Variants in PHF20L1 observed in about 807,000 individuals in gnomAD.
PHF20L1 encodes PHD finger protein 20 like 1.
A neutral mutation model predicts 125.5 loss-of-function variants in PHF20L1; 44 were observed. The ratio of observed to expected loss-of-function variants is 0.35; its 90% CI spans 0.28 to 0.45. The LOEUF is 0.45. Among genes scored for constraint, PHF20L1 ranks in the 20% least tolerant of loss-of-function variants. The probability of loss-of-function intolerance (pLI) is 1.00; values close to 1 mark genes in which losing one functional copy is unlikely to be tolerated. For missense variants in PHF20L1, 1,012 were observed against 1,217.2 expected, an observed-to-expected ratio of 0.83 and a Z score of 2.51; for synonymous variants, 380 against 403.1, an observed-to-expected ratio of 0.94 and a Z score of 0.69.
intron 4 of PHF20L1, among the ~76,000 whole-genome samples, chr8:132,796,212 G>A (rs1352845424): frequency 6.6e-6 from 1 of 152,052 alleles, no homozygotes; most frequent in Non-Finnish European, 1.5e-5. Context: ...GGCATGCCAT[G>A]TCATTTTAAG....
intron 8 of PHF20L1, chr8:132,809,902 G>A (rs1834175607): frequency 6.6e-6 from 1 of 152,056 alleles, no homozygotes; most frequent in African/African-American, 2.4e-5. Flanking sequence ...CTTAAACAAG[G>A]CTTATAAACT....
chr8:132,812,203 A>G (rs1834474276), intron 9 of PHF20L1: 1 of 977,138 alleles, frequency 1.0e-6, no homozygotes, highest in Non-Finnish European at 1.2e-6. Context: ...ACTGTGTATT[A>G]CTATATTCAA....
At chr8:132,821,481 AT>A (rs1563830268) in intron 12 of PHF20L1, among the ~76,000 whole-genome samples, 1 of 151,810 alleles carries the variant, frequency 6.6e-6, no homozygotes, top group Non-Finnish European at 1.5e-5. Context: ...TCAACTTTAC[AT>A]TTACTATTTA....
chr8:132,828,719 T>A (rs1427056881), intron 14 of PHF20L1, among the ~76,000 whole-genome samples: 3 of 152,124 alleles, frequency 2.0e-5, no homozygotes, highest in Non-Finnish European at 1.5e-5. Context: ...TTTAAGAGTG[T>A]CATCTTTGCC....
rs750744062 is a variant in PHF20L1 at position 132,842,642 on chromosome 8, G to A, written c.2515G>A (p.Val839Ile). 3.7e-6 allele frequency: 6 copies of A among 1,613,030 alleles called. No individual in the cohort carries two copies. Among genetic ancestry groups the A allele is most frequent in the Non-Finnish European group, 4.2e-6 (5 of 1,179,480 alleles). Residue 839 changes from valine to isoleucine, a missense_variant, in exon 19 of 21, where the codon GTA (valine) becomes ATA (isoleucine). Coordinates refer to ENST00000395386, the MANE Select transcript of PHF20L1 (RefSeq NM_016018.5). ...AGTTAATCGAGAAGAAAAGAAATAT[G>A]TACAGAACCATAAAGAACCACCTCG... Reference protein sequence around the residue: ...DTVNREEKKYVQNHKEPPRLP... With the variant: ...DTVNREEKKYIQNHKEPPRLP...
intron 14 of PHF20L1, among the ~76,000 whole-genome samples, chr8:132,828,116 T>G (rs1398996054): frequency 6.6e-6 from 1 of 152,104 alleles, no homozygotes; most frequent in Non-Finnish European, 1.5e-5. Flanking sequence ...ATTATTACTG[T>G]ATGAGGCTTC....
At position 132,799,170 on chromosome 8, in the gene PHF20L1, G is replaced by A. The variant is rs778675513; in HGVS notation, c.505G>A (p.Glu169Lys). The A allele has an allele frequency of 1.3e-6, 2 of 1,596,092 alleles. No homozygotes were observed. Among genetic ancestry groups the A allele is most frequent in the East Asian group, 2.2e-5 (1 of 44,658 alleles). The change falls in exon 6 of 21, where the codon GAG becomes AAG. Residue 169 changes from glutamate (E) to lysine (K), a missense_variant and splice_region_variant. Glu to Lys is a moderately conservative substitution (Grantham distance 56). This residue lies in a region of PHF20L1 where 134 missense variants were observed against 145.9 expected (regional missense o/e 0.92). Transcript: ENST00000395386. ...ATCGTGTAACCAGTCTATGGGAAGT[G>A]AGGTAAGAGCCTTTTTTTTAAAAAT... ...AGSCNQSMGS[E>K]DWIALVKAAA... is the part of the protein sequence containing the mutation.
intron 12 of PHF20L1, 108 bp from the exon 13 acceptor site, chr8:132,823,896 A>G (rs1835868586): frequency 1.6e-6 from 1 of 610,944 alleles, no homozygotes; most frequent in Admixed American, 3.2e-5. Context: ...GACCGTTAGG[A>G]GAAAAAGAGT....
chr8:132,808,379 T>C (rs1419518390), intron 8 of PHF20L1: 1 of 152,132 alleles, frequency 6.6e-6, no homozygotes, highest in Non-Finnish European at 1.5e-5. Context: ...TTTTGTTTCT[T>C]TTACTACTTG....
intron 2 of PHF20L1, among the ~76,000 whole-genome samples, chr8:132,781,803 A>G (rs185398077): frequency 6.6e-6 from 1 of 152,172 alleles, no homozygotes; most frequent in African/African-American, 2.4e-5. Flanking sequence ...TGGTTTATTT[A>G]TCAGTACTAA....
chr8:132,820,203 G>T (rs555367490), intron 12 of PHF20L1, among the ~76,000 whole-genome samples: 2 of 151,724 alleles, frequency 1.3e-5, no homozygotes, highest in Admixed American at 1.3e-4. Context: ...TTACTATCAG[G>T]ATGCTTTGTC....
chr8:132,796,203 G>A (rs1832368584), intron 4 of PHF20L1, among the ~76,000 whole-genome samples: 1 of 152,000 alleles, frequency 6.6e-6, no homozygotes, highest in South Asian at 2.1e-4. Flanking sequence ...AGTGGGAGAG[G>A]CATGCCATGT....
intron 2 of PHF20L1, among the ~76,000 whole-genome samples, chr8:132,792,944 T>A (rs1379050603): frequency 6.6e-6 from 1 of 150,708 alleles, no homozygotes; most frequent in Non-Finnish European, 1.5e-5. Context: ...CCCTAGCTTA[T>A]TTGAGAAGAC....
rs1232005487 is a variant in PHF20L1, at chr8:132,814,694, G to A, written c.988G>A (p.Ala330Thr). 2 of 1,611,890 alleles carry A rather than the reference G, an allele frequency of 1.2e-6. No homozygotes were observed. The highest frequency in any genetic ancestry group is 1.7e-5 in the Admixed American group (1 of 59,880). Residue 330 changes from alanine (A) to threonine (T), a missense_variant, in exon 10 of 21, where the codon GCC becomes ACC. Transcript: ENST00000395386. ...KKNEADISSS[A>T]NTQKPALLSS... The stretch of plus-strand genomic sequence containing the variant: ...AAATGAAGCTGACATTAGCAGTTCT[G>A]CCAACACTCAGAAACCTGCACTGTT...
intron 8 of PHF20L1, chr8:132,806,609 A>G (rs538834093): frequency 1.3e-5 from 2 of 152,192 alleles, no homozygotes; most frequent in African/African-American, 4.8e-5. Flanking sequence ...TGTTGCAACT[A>G]TGTCATGCAA....
intron 8 of PHF20L1, chr8:132,810,738 T>C (rs1197764779): frequency 7.7e-6 from 2 of 259,702 alleles, no homozygotes; most frequent in Admixed American, 4.8e-5. Flanking sequence ...GCAACCTTAA[T>C]GTAGACATTA....
At chr8:132,793,979 T>G (rs1363053827) in intron 2 of PHF20L1, among the ~76,000 whole-genome samples, 1 of 152,196 alleles carries the variant, frequency 6.6e-6, no homozygotes, top group Non-Finnish European at 1.5e-5. Context: ...AATATTTCAT[T>G]CAGTGGATAT....
chr8:132,800,521 G>C (rs114316498), intron 6 of PHF20L1, among the ~76,000 whole-genome samples: 2,702 of 151,628 alleles, frequency 0.018, 79 homozygotes, highest in African/African-American at 0.061. Flanking sequence ...GGCCTATCTT[G>C]TATAATATCT....
Position 132,845,931 on chromosome 8 carries a change from GA to G in PHF20L1, c.*10del. 6.2e-7 allele frequency: 1 copy of G among 1,606,142 alleles called. No homozygotes were observed. The highest frequency in any genetic ancestry group is 1.1e-5 in the South Asian group (1 of 90,448). On this transcript the variant is annotated 3_prime_UTR_variant, in exon 21 of 21. Transcript: ENST00000395386. Reference sequence around the variant, plus strand: ...ACTCTTTGCTCTGTATGACAACAGTGAACACTTAATGAAAGAATGTGGCTTT... The same window carrying G: ...ACTCTTTGCTCTGTATGACAACAGTGACACTTAATGAAAGAATGTGGCTTT...
Sources: gnomAD v4.1 joint callset for allele counts (sites outside exome capture counted in the v4.1 genomes callset) on GRCh38, gnomAD v4.1.1 for gene constraint, gnomAD v4.1.1 regional missense constraint, MANE v1.5 for transcripts, NCBI Gene and HGNC (gene_info 2026-07-23, HGNC 2026-07-21) for gene names.